The following KCTD20 variants were observed in gnomAD, a reference collection of about 807,000 sequenced individuals.
The protein encoded by KCTD20 is BTB/POZ domain-containing protein KCTD20.
A neutral mutation model predicts 39.6 loss-of-function variants in KCTD20; 30 were observed. The ratio of observed to expected loss-of-function variants is 0.76; its 90% confidence interval spans 0.57 to 1.03. KCTD20 has a LOEUF of 1.03. Ranked by LOEUF, KCTD20 falls within the 50% of genes least tolerant of loss-of-function variation. KCTD20 has a pLI of 0.00. For missense variants in KCTD20, 422 were observed against 522.0 expected (o/e 0.81, Z 1.87); for synonymous variants, 162 against 180.6 (o/e 0.90, Z 0.83).
intron 7 of KCTD20, among the ~76,000 whole-genome samples, chr6:36,486,627 T>C (rs933334508): frequency 2.6e-5 from 4 of 152,200 alleles, no homozygotes; most frequent in South Asian, 2.1e-4. Flanking sequence ...CTCTCCTCTT[T>C]CCATTAGAAG....
At chr6:36,454,650 T>C (rs931339967) in intron 1 of KCTD20, among the ~76,000 whole-genome samples, 12 of 142,254 alleles carry the variant, frequency 8.4e-5, no homozygotes, top group Non-Finnish European at 1.5e-4. Context: ...CCTTTTTTTT[T>C]TTTCTTGAGT....
chr6:36,449,632 C>T (rs965558779), intron 1 of KCTD20, among the ~76,000 whole-genome samples: 5 of 152,238 alleles, frequency 3.3e-5, no homozygotes, highest in Admixed American at 3.3e-4. Context: ...CAAGTCCCCA[C>T]TCGACCCAGG....
intron 6 of KCTD20, among the ~76,000 whole-genome samples, chr6:36,483,090 G>A (rs1398334715): frequency 1.4e-5 from 2 of 146,126 alleles, no homozygotes; most frequent in Non-Finnish European, 3.0e-5. Context: ...TTGCACTACA[G>A]CCTGGGTAAC....
chr6:36,479,502 C>A (rs1776169521), intron 4 of KCTD20, 89 bp from the exon 5 acceptor site: 2 of 1,226,308 alleles, frequency 1.6e-6, no homozygotes, highest in Non-Finnish European at 2.3e-6. Context: ...TAGCTCATTG[C>A]TTTAACAAAA....
chr6:36,462,737 A>C (rs778525102), intron 1 of KCTD20, among the ~76,000 whole-genome samples: 1 of 152,252 alleles, frequency 6.6e-6, no homozygotes, highest in Non-Finnish European at 1.5e-5. Flanking sequence ...GAAGGTAAGC[A>C]AGACTGTGTC....
intron 6 of KCTD20, among the ~76,000 whole-genome samples, chr6:36,482,676 TG>T (rs1776290158): frequency 6.6e-6 from 1 of 152,098 alleles, no homozygotes; most frequent in Non-Finnish European, 1.5e-5. Flanking sequence ...CCAGGCGCAG[TG>T]GCTCATGCCT....
In KCTD20 at chr6:36,469,493, A is replaced by G. The variant is rs748462604; in HGVS notation, c.-46-559A>G. The stretch of plus-strand genomic sequence containing the variant: ...ATTTTGAGGTGGGGTTTCGGGATTG[A>G]GCATAAGGTATACAAAGTGAAAGAG... On this transcript the variant is annotated intron_variant, in intron 1 of 7. Transcript: ENST00000373731. The surrounding 1 kb of genome is among the most constrained non-coding windows in gnomAD (Gnocchi z 4.6). Among the ~76,000 whole-genome samples the G allele has an allele frequency of 6.7e-6, 1 of 148,812 alleles. No individual in the cohort carries two copies. The highest frequency in any genetic ancestry group is 1.5e-5 in the Non-Finnish European group (1 of 67,344).
chr6:36,454,288 G>A (rs977529794), intron 1 of KCTD20, among the ~76,000 whole-genome samples: 2 of 151,770 alleles, frequency 1.3e-5, no homozygotes, highest in East Asian at 3.9e-4. Flanking sequence ...AATTGTCTAT[G>A]ACTGCTTTTG....
At chr6:36,461,695 T>A (rs1251705655) in intron 1 of KCTD20, among the ~76,000 whole-genome samples, 3 of 152,176 alleles carry the variant, frequency 2.0e-5, no homozygotes, top group African/African-American at 7.2e-5. Context: ...CATATAGTCT[T>A]TTATGTAAGT....
At chr6:36,468,973 T>C (rs1775837537) in intron 1 of KCTD20, among the ~76,000 whole-genome samples, 1 of 152,230 alleles carries the variant, frequency 6.6e-6, no homozygotes, top group East Asian at 1.9e-4. Context: ...TATTTTAATA[T>C]ATGTTATGAA....
Position 36,484,728 on chromosome 6 carries a change from A to C in KCTD20, c.871A>C (p.Lys291Gln). ...EEYSQILYSS[K>Q]LYRFFKYIEN... Reference sequence around the variant, plus strand: ...TTCTTTTTCAGTTCTTTATAGCTCCAAGCTCTACAGATTCTTCAAATATAT... The same window carrying C: ...TTCTTTTTCAGTTCTTTATAGCTCCCAGCTCTACAGATTCTTCAAATATAT... Residue 291 changes from lysine (K) to glutamine (Q), a missense_variant, in exon 7 of 8, where the codon AAG becomes CAG. By Grantham distance (53) the Lys-to-Gln change is moderately conservative (BLOSUM62 1). Coordinates refer to ENST00000373731, the MANE Select transcript of KCTD20 (RefSeq NM_173562.5). 11 of 1,580,294 alleles carry C rather than the reference A, an allele frequency of 7.0e-6. No homozygotes were observed. The highest frequency in any genetic ancestry group is 9.5e-6 in the Non-Finnish European group (11 of 1,154,528).
rs1158433261 is a variant in KCTD20 at position 36,459,182 on chromosome 6, C to T, written c.-46-10870C>T. Among the ~76,000 whole-genome samples, 7 of 151,954 alleles carry T rather than the reference C, an allele frequency of 4.6e-5. No homozygotes were observed. In the East Asian group the frequency reaches 1.4e-3, roughly 30 times the overall value. On this transcript the variant is annotated intron_variant, in intron 1 of 7. Coordinates refer to ENST00000373731, the MANE Select transcript of KCTD20 (RefSeq NM_173562.5). ...CAAAAATTAGCCAGGGCTGGTGGCA[C>T]GTGCCCATAATCCCAGCTACTCGGG...
Position 36,488,685 on chromosome 6 carries a change from C to T in KCTD20, c.*1510C>T, listed in dbSNP as rs867541021. ...GTGGATTTTGGAGCACTTCAAATTTCGGATTTTTGGATTTGGGATGCTCAT... is the reference window on the plus strand; with the variant it reads ...GTGGATTTTGGAGCACTTCAAATTTTGGATTTTTGGATTTGGGATGCTCAT... On this transcript the variant is annotated 3_prime_UTR_variant, in exon 8 of 8. Coordinates refer to ENST00000373731, the MANE Select transcript of KCTD20 (RefSeq NM_173562.5). The T allele has an allele frequency of 2.0e-5, 3 of 152,176 alleles. No individual in the cohort carries two copies. The highest frequency in any genetic ancestry group is 6.5e-5 in the Admixed American group (1 of 15,272). The allele number at this position is 152,176 out of a possible 1,614,324, so 9.4% of individuals were successfully genotyped here.
intron 1 of KCTD20, among the ~76,000 whole-genome samples, chr6:36,467,762 A>G (rs1167492218): frequency 6.6e-6 from 1 of 152,190 alleles, no homozygotes; most frequent in Non-Finnish European, 1.5e-5. Flanking sequence ...TGTTTGTTAT[A>G]AACAACTTAA....
At position 36,454,750 on chromosome 6, in the gene KCTD20, G is replaced by A. The variant is rs1162825789; in HGVS notation, c.-47+11639G>A. Among the ~76,000 whole-genome samples the A allele has an allele frequency of 2.6e-5, 4 of 151,670 alleles. No individual in the cohort carries two copies. The East Asian group carries it at 5.8e-4, about 22-fold the overall frequency. ...GCCGCCGGGTTCAAGCAGTTCTCCC[G>A]CCTCAGTCTCCCAAGTACCTGGGAC... On this transcript the variant is annotated intron_variant, in intron 1 of 7. Coordinates refer to ENST00000373731, the MANE Select transcript of KCTD20 (RefSeq NM_173562.5).
rs1198434038 is a variant in KCTD20, at chr6:36,479,148, C to T, written c.462C>T (p.Asn154=). Residue 154 remains asparagine, a synonymous_variant, in exon 4 of 8, where the codon AAC becomes AAT. Coordinates refer to ENST00000373731, the MANE Select transcript of KCTD20 (RefSeq NM_173562.5). Reference sequence around the variant, plus strand: ...TGTTTGGACCAGGAAGAGAGTACAACTTCACTCGGCCCAATGAGAAGGGAG... The same window carrying T: ...TGTTTGGACCAGGAAGAGAGTACAATTTCACTCGGCCCAATGAGAAGGGAG... ...GRMFGPGREY[N]FTRPNEKGEY... 6.2e-7 allele frequency: 1 copy of T among 1,613,554 alleles called. No individual in the cohort carries two copies. Among genetic ancestry groups the T allele is most frequent in the Non-Finnish European group, 8.5e-7 (1 of 1,179,526 alleles).
At chr6:36,460,578 T>C (rs1775572993) in intron 1 of KCTD20, among the ~76,000 whole-genome samples, 1 of 152,202 alleles carries the variant, frequency 6.6e-6, no homozygotes, top group Non-Finnish European at 1.5e-5. Flanking sequence ...GTGTTGGGAT[T>C]ACAGGCGTGA....
intron 4 of KCTD20, 109 bp from the exon 5 acceptor site, chr6:36,479,482 A>G: frequency 9.9e-7 from 1 of 1,014,578 alleles, no homozygotes; most frequent in African/African-American, 1.6e-5. Context: ...CAATTTGGTG[A>G]TAATTCCAGT....
intron 1 of KCTD20, among the ~76,000 whole-genome samples, chr6:36,458,492 G>C: frequency 7.0e-6 from 1 of 143,324 alleles, no homozygotes; most frequent in East Asian, 2.2e-4. Context: ...AGTGAGCCAA[G>C]AGCGTGCTAC....
Sources: allele counts gnomAD v4.1 joint callset (sites outside exome capture counted in the v4.1 genomes callset), GRCh38; gene constraint gnomAD v4.1.1; non-coding constraint Gnocchi (gnomAD v3.1); transcripts MANE v1.5; gene names NCBI Gene and HGNC (gene_info 2026-07-23, HGNC 2026-07-21).